Variants in DPP10 observed in about 807,000 individuals in gnomAD.
DPP10 encodes the protein inactive dipeptidyl peptidase 10.
DPP10 carries 33 observed loss-of-function variants against 120.9 expected under a neutral mutation model. The observed-to-expected ratio is 0.27, with a 90% confidence interval of 0.21 to 0.37. The LOEUF is 0.37. Ranked by LOEUF, DPP10 falls within the 10% of genes least tolerant of loss-of-function variation. The pLI is 1.00. For missense variants in DPP10, 816 were observed against 942.8 expected (o/e 0.87, Z 1.76); for synonymous variants, 337 against 326.1 (o/e 1.03, Z -0.36).
At chr2:114,611,008 C>T (rs1409898011) in intron 1 of DPP10, among the ~76,000 whole-genome samples, 2 of 152,136 alleles carry the variant, frequency 1.3e-5, no homozygotes, top group Admixed American at 1.3e-4. Context: ...CCCAAACACA[C>T]AACTGCGCTG....
chr2:114,490,438 C>T lies in DPP10; in HGVS notation c.60+47600C>T, dbSNP rs529051161. Among the ~76,000 whole-genome samples the T allele has an allele frequency of 3.3e-5, 5 of 152,258 alleles. No homozygotes were observed. In the South Asian group the frequency reaches 1.0e-3, roughly 32 times the overall value. Reference sequence around the variant, plus strand: ...ATTGTAGCAGGGGTTTTCCTAATTTCCTTGAGGGAAGAAGGAGAGAGAAAG... The same window carrying T: ...ATTGTAGCAGGGGTTTTCCTAATTTTCTTGAGGGAAGAAGGAGAGAGAAAG... On this transcript the variant is annotated intron_variant, in intron 1 of 25. Coordinates refer to ENST00000410059, the MANE Select transcript of DPP10 (RefSeq NM_020868.6).
intron 3 of DPP10, among the ~76,000 whole-genome samples, chr2:115,378,561 T>C (rs28823645): frequency 0.057 from 8,634 of 150,852 alleles, 345 homozygotes; most frequent in Middle Eastern, 0.099. Flanking sequence ...TCCTGCCTAA[T>C]TGCCCTGGCC....
intron 1 of DPP10, among the ~76,000 whole-genome samples, chr2:115,277,923 G>A (rs2059986350): frequency 6.6e-6 from 1 of 152,152 alleles, no homozygotes; most frequent in Admixed American, 6.5e-5. Flanking sequence ...TGGCAGACAT[G>A]CAAGATGATG....
At chr2:115,270,541 A>G (rs990741576) in intron 1 of DPP10, among the ~76,000 whole-genome samples, 19 of 152,152 alleles carry the variant, frequency 1.2e-4, no homozygotes, top group African/African-American at 4.3e-4. Context: ...TGTTGACATT[A>G]GGTTTTGTGG....
In DPP10 at chr2:115,768,066, C is replaced by G. The variant is rs200060571; in HGVS notation, c.1114-231C>G. Among the ~76,000 whole-genome samples the G allele has an allele frequency of 3.9e-5, 6 of 152,244 alleles. No individual in the cohort carries two copies. In the East Asian group the frequency reaches 1.2e-3, roughly 29 times the overall value. The stretch of plus-strand genomic sequence containing the variant: ...ATAAATCATTCATATCCACCATGCA[C>G]AAATTTCTCCTATCCTTCCCACAAC... On this transcript the variant is annotated intron_variant, in intron 12 of 25. Coordinates refer to ENST00000410059, the MANE Select transcript of DPP10 (RefSeq NM_020868.6).
intron 19 of DPP10, among the ~76,000 whole-genome samples, chr2:115,801,333 G>C (rs1685212755): frequency 6.6e-6 from 1 of 152,116 alleles, no homozygotes; most frequent in African/African-American, 2.4e-5. Flanking sequence ...AGGAGATTTT[G>C]GCCTGAGACG....
At chr2:115,508,029 TA>T (rs1364841209) in intron 4 of DPP10, among the ~76,000 whole-genome samples, 4 of 152,138 alleles carry the variant, frequency 2.6e-5, no homozygotes, top group African/African-American at 4.8e-5. Context: ...ATTAAATGGG[TA>T]ATTCTATTTT....
At chr2:115,804,192 C>T (rs143603492) in intron 19 of DPP10, among the ~76,000 whole-genome samples, 1,961 of 152,200 alleles carry the variant, frequency 0.013, 45 homozygotes, top group African/African-American at 0.042. Context: ...CGTCTTCTAT[C>T]GCTGATACCC....
chr2:115,760,718 G>C (rs1435000184), intron 11 of DPP10, among the ~76,000 whole-genome samples: 3 of 152,160 alleles, frequency 2.0e-5, no homozygotes, highest in Non-Finnish European at 4.4e-5. Context: ...CTTTTGGCTA[G>C]ATTATAGATT....
chr2:115,301,353 T>C (rs550076976), intron 1 of DPP10, among the ~76,000 whole-genome samples: 27 of 151,976 alleles, frequency 1.8e-4, no homozygotes, highest in African/African-American at 4.3e-4. Context: ...AGAGCTCCAA[T>C]TGAGGCAAGA....
chr2:115,827,850 G>T (rs1223628382), intron 21 of DPP10, among the ~76,000 whole-genome samples: 1 of 151,360 alleles, frequency 6.6e-6, no homozygotes, highest in Non-Finnish European at 1.5e-5. Context: ...ACAAGCGTCG[G>T]CCTCCCAAAG....
At chr2:114,756,346 A>G (rs772963774) in intron 1 of DPP10, among the ~76,000 whole-genome samples, 8 of 152,166 alleles carry the variant, frequency 5.3e-5, no homozygotes, top group African/African-American at 1.9e-4. Context: ...GAATTTTTCC[A>G]TGAGAAGGCC....
At chr2:114,983,632 G>C (rs1700224250) in intron 1 of DPP10, among the ~76,000 whole-genome samples, 3 of 152,112 alleles carry the variant, frequency 2.0e-5, no homozygotes, top group Non-Finnish European at 2.9e-5. Flanking sequence ...ACTCAGAGCT[G>C]TCAATGAATT....
At chr2:115,373,799 G>C (rs979569420) in intron 3 of DPP10, among the ~76,000 whole-genome samples, 5 of 151,602 alleles carry the variant, frequency 3.3e-5, no homozygotes, top group African/African-American at 1.2e-4. Flanking sequence ...AGGCTTAACA[G>C]GAATCATGAC....
chr2:114,669,000 A>T (rs1698139359), intron 1 of DPP10, among the ~76,000 whole-genome samples: 1 of 152,132 alleles, frequency 6.6e-6, no homozygotes, highest in Non-Finnish European at 1.5e-5. Context: ...ATCCAGGACG[A>T]GGGCCATTTC....
intron 1 of DPP10, among the ~76,000 whole-genome samples, chr2:114,682,417 C>G (rs973220043): frequency 1.3e-5 from 2 of 151,910 alleles, no homozygotes; most frequent in African/African-American, 4.8e-5. Flanking sequence ...TTACCTTCAT[C>G]TTTTCCATTT....
intron 5 of DPP10, among the ~76,000 whole-genome samples, chr2:115,536,768 AC>A (rs2078872821): frequency 6.6e-6 from 1 of 152,032 alleles, no homozygotes. Context: ...TCCTTCTTAC[AC>A]TGAAAGCTCT....
intron 5 of DPP10, among the ~76,000 whole-genome samples, chr2:115,682,152 A>G (rs13016443): frequency 0.21 from 32,630 of 151,882 alleles, 4,372 homozygotes; most frequent in Admixed American, 0.36. Flanking sequence ...CAATGTTTAA[A>G]CTTATTTCGC....
At chr2:114,906,587 T>C (rs1319282532) in intron 1 of DPP10, among the ~76,000 whole-genome samples, 3 of 152,170 alleles carry the variant, frequency 2.0e-5, no homozygotes, top group Admixed American at 1.3e-4. Context: ...ATTTTTCTAA[T>C]GGTTTTTCTG....
Sources: allele counts gnomAD v4.1 joint callset (sites outside exome capture counted in the v4.1 genomes callset), GRCh38; gene constraint gnomAD v4.1.1; transcripts MANE v1.5; gene names NCBI Gene and HGNC (gene_info 2026-07-23, HGNC 2026-07-21).